PCDH15: variants seen among roughly 807,000 people sequenced by gnomAD.
PCDH15 encodes the protein protocadherin-15.
Under a neutral mutation model 178.5 loss-of-function variants are expected in PCDH15, and 129 were observed. That is an observed-to-expected ratio of 0.72 (90% CI 0.63 to 0.84). The LOEUF is 0.84. PCDH15 is among the 40% of genes least tolerant of loss of function. PCDH15 has a pLI of 0.00. For synonymous variants in PCDH15, 800 were observed against 732.0 expected (o/e 1.09, Z -1.50); for missense variants, 2,230 against 2,099.9 (o/e 1.06, Z -1.21).
intron 2 of PCDH15, among the ~76,000 whole-genome samples, chr10:55,500,645 G>A (rs988137009): frequency 2.6e-5 from 4 of 151,758 alleles, no homozygotes; most frequent in Non-Finnish European, 5.9e-5. Context: ...ACATAGAATA[G>A]TGAGACCCTG....
At chr10:54,341,190 T>C (rs996759754) in intron 6 of PCDH15, among the ~76,000 whole-genome samples, 2 of 152,104 alleles carry the variant, frequency 1.3e-5, no homozygotes, top group Admixed American at 6.5e-5. Flanking sequence ...CTAGTTGATA[T>C]GGTTTGGCTC....
At chr10:55,279,910 T>G (rs1369326307) in intron 1 of PCDH15, among the ~76,000 whole-genome samples, 1 of 152,196 alleles carries the variant, frequency 6.6e-6, no homozygotes, top group Non-Finnish European at 1.5e-5. Context: ...ACAGTTTAGT[T>G]GGTGAGAGAT....
At chr10:55,187,287 A>G (rs1227345667) in intron 1 of PCDH15, among the ~76,000 whole-genome samples, 7 of 152,082 alleles carry the variant, frequency 4.6e-5, no homozygotes, top group African/African-American at 1.4e-4. Context: ...TCATATTGAA[A>G]TGCATAACTA....
intron 1 of PCDH15, among the ~76,000 whole-genome samples, chr10:55,238,249 AC>A (rs1841444944): frequency 6.8e-6 from 1 of 146,008 alleles, no homozygotes; most frequent in African/African-American, 2.6e-5. Flanking sequence ...TCCCAGGTTC[AC>A]GCCATTCTCC....
Position 53,868,391 on chromosome 10 carries a change from A to G in PCDH15, c.3502-1534T>C, listed in dbSNP as rs565884205. 7.2e-5 allele frequency among the ~76,000 whole-genome samples: 11 copies of G among 152,252 alleles called. No individual in the cohort carries two copies. The East Asian group carries it at 1.2e-3, about 16-fold the overall frequency. Reference sequence around the variant, plus strand: ...ACAAAAATAGTCTTATCTAATAACAATATAAAAAACTGAGGAATATATTGT... The same window carrying G: ...ACAAAAATAGTCTTATCTAATAACAGTATAAAAAACTGAGGAATATATTGT... On this transcript the variant is annotated intron_variant, in intron 26 of 37. Coordinates refer to ENST00000644397, the MANE Select transcript of PCDH15 (RefSeq NM_001384140.1).
chr10:54,946,025 A>G (rs1838190213), intron 2 of PCDH15, among the ~76,000 whole-genome samples: 1 of 151,868 alleles, frequency 6.6e-6, no homozygotes, highest in Non-Finnish European at 1.5e-5. Flanking sequence ...TATATTAACC[A>G]TATTTCCTTT....
At chr10:54,869,169 A>G (rs930669420) in intron 3 of PCDH15, 1 of 152,178 alleles carries the variant, frequency 6.6e-6, no homozygotes. Flanking sequence ...AATAAGAGGG[A>G]AAATTTGACA....
chr10:54,692,946 G>A (rs2095153351), intron 1 of PCDH15, among the ~76,000 whole-genome samples: 1 of 151,880 alleles, frequency 6.6e-6, no homozygotes, highest in East Asian at 1.9e-4. Context: ...GGATACAGGT[G>A]CAGAACGTGC....
chr10:54,866,948 A>G (rs1953953711), intron 3 of PCDH15, among the ~76,000 whole-genome samples: 1 of 152,230 alleles, frequency 6.6e-6, no homozygotes, highest in Admixed American at 6.5e-5. Flanking sequence ...TGAGAAATGA[A>G]CACAGTGTCA....
rs191841607 is a variant in PCDH15 at position 55,231,681 on chromosome 10, G to T, written c.-155-65030C>A. On this transcript the variant is annotated intron_variant, in intron 1 of 5. Coordinates refer to the PCDH15 transcript ENST00000458638. ...TTTAGATGGATGGCTGTCTTGCATGGATCAAGAATAGAAAGGAAGAGTACA... is the reference window on the plus strand; with the variant it reads ...TTTAGATGGATGGCTGTCTTGCATGTATCAAGAATAGAAAGGAAGAGTACA... 2.0e-4 allele frequency among the ~76,000 whole-genome samples: 31 copies of T among 152,002 alleles called. 1 individual carries two copies. In the East Asian group the frequency reaches 5.8e-3, roughly 28 times the overall value.
intron 20 of PCDH15, among the ~76,000 whole-genome samples, chr10:54,014,878 C>T (rs2092694665): frequency 6.6e-6 from 1 of 151,728 alleles, no homozygotes; most frequent in South Asian, 2.1e-4. Context: ...CTCTTATTGC[C>T]ACTCATCATA....
chr10:55,075,470 A>C (rs921774630), intron 2 of PCDH15, among the ~76,000 whole-genome samples: 2 of 150,404 alleles, frequency 1.3e-5, no homozygotes, highest in African/African-American at 2.5e-5. Context: ...GGTTCAAGCG[A>C]TTCCCCAGCC....
intron 1 of PCDH15, among the ~76,000 whole-genome samples, chr10:55,170,190 C>T (rs1046926797): frequency 6.6e-6 from 1 of 151,988 alleles, no homozygotes; most frequent in African/African-American, 2.4e-5. Flanking sequence ...CACTCTGTGA[C>T]CCAGGCTGAA....
At chr10:54,056,003 G>T (rs963932566) in intron 18 of PCDH15, among the ~76,000 whole-genome samples, 2 of 152,162 alleles carry the variant, frequency 1.3e-5, no homozygotes, top group African/African-American at 4.8e-5. Context: ...TCATCTGTCT[G>T]ACTGTTACAC....
intron 2 of PCDH15, among the ~76,000 whole-genome samples, chr10:55,344,382 T>C (rs963371424): frequency 2.6e-5 from 4 of 151,922 alleles, no homozygotes; most frequent in African/African-American, 4.8e-5. Context: ...ATTCATGGGG[T>C]TCAGGGGAAA....
At chr10:55,012,933 T>A (rs1447165048) in intron 2 of PCDH15, among the ~76,000 whole-genome samples, 1 of 152,104 alleles carries the variant, frequency 6.6e-6, no homozygotes, top group Non-Finnish European at 1.5e-5. Flanking sequence ...CTATTAATCA[T>A]CTCTTTGCAT....
intron 3 of PCDH15, among the ~76,000 whole-genome samples, chr10:54,380,318 G>A (rs980601648): frequency 6.6e-6 from 1 of 151,572 alleles, no homozygotes; most frequent in Non-Finnish European, 1.5e-5. Flanking sequence ...ATTTTTGACT[G>A]AAATGGCAAA....
chr10:54,707,696 T>C (rs1033376308), intron 1 of PCDH15, among the ~76,000 whole-genome samples: 1 of 152,228 alleles, frequency 6.6e-6, no homozygotes, highest in Non-Finnish European at 1.5e-5. Flanking sequence ...TCTGTGATTC[T>C]CACTTCATGA....
At chr10:54,510,422 G>T (rs1178154789) in intron 3 of PCDH15, among the ~76,000 whole-genome samples, 1 of 152,160 alleles carries the variant, frequency 6.6e-6, no homozygotes, top group Non-Finnish European at 1.5e-5. Flanking sequence ...CTCTACTTGG[G>T]TACAGAGCTT....
Sources: allele counts gnomAD v4.1 joint callset (sites outside exome capture counted in the v4.1 genomes callset), GRCh38; gene constraint gnomAD v4.1.1; transcripts MANE v1.5; gene names NCBI Gene and HGNC (gene_info 2026-07-23, HGNC 2026-07-21).